The following MYT1L variants were observed in gnomAD, a reference collection of about 807,000 sequenced individuals.
MYT1L encodes myelin transcription factor 1 like.
MYT1L carries 12 observed loss-of-function variants against 126.7 expected under a neutral mutation model. That is an observed-to-expected ratio of 0.09 (90% CI 0.06 to 0.15). The LOEUF is 0.15. Among genes scored for constraint, MYT1L ranks in the 10% least tolerant of loss-of-function variants. The pLI is 1.00. For synonymous variants in MYT1L, 541 were observed against 604.2 expected (o/e 0.90, Z 1.53); for missense variants, 979 against 1,585.2 (o/e 0.62, Z 6.49).
chr2:2,079,750 T>C (rs2075618853), intron 3 of MYT1L, among the ~76,000 whole-genome samples: 1 of 150,870 alleles, frequency 6.6e-6, no homozygotes, highest in East Asian at 2.0e-4. Context: ...GAGCTTGCAG[T>C]GAGCTGAGCC....
chr2:1,998,158 T>C (rs768142150), intron 4 of MYT1L, among the ~76,000 whole-genome samples: 6 of 152,172 alleles, frequency 3.9e-5, no homozygotes, highest in African/African-American at 9.7e-5. Flanking sequence ...GGTGGTGGCA[T>C]TGGATAATTG....
At chr2:2,299,054 A>G (rs972793599) in intron 1 of MYT1L, among the ~76,000 whole-genome samples, 6 of 152,006 alleles carry the variant, frequency 3.9e-5, no homozygotes, top group African/African-American at 1.4e-4. Flanking sequence ...GGGTTTCACC[A>G]TGTTAGCCAG....
chr2:1,818,035 G>C (rs374559105), intron 21 of MYT1L, among the ~76,000 whole-genome samples: 21 of 151,664 alleles, frequency 1.4e-4, no homozygotes, highest in African/African-American at 4.9e-4. Context: ...CCAGATGAAG[G>C]TTCCAGCGAA....
intron 2 of MYT1L, among the ~76,000 whole-genome samples, chr2:2,251,974 G>T (rs190944500): frequency 2.6e-5 from 4 of 152,236 alleles, no homozygotes; most frequent in Non-Finnish European, 5.9e-5. Context: ...GGCAGGCAAT[G>T]GGGAACACAG....
intron 18 of MYT1L, among the ~76,000 whole-genome samples, chr2:1,879,132 A>ACGGC (rs1177497274): frequency 2.0e-5 from 3 of 152,146 alleles, no homozygotes; most frequent in African/African-American, 2.4e-5. Context: ...TGTGCACCCA[A>ACGGC]CGGCCCTTGA....
chr2:2,259,521 A>G (rs2094907344), intron 2 of MYT1L, among the ~76,000 whole-genome samples: 1 of 152,182 alleles, frequency 6.6e-6, no homozygotes, highest in Non-Finnish European at 1.5e-5. Context: ...TCTTAAATAC[A>G]TATAGTTTTT....
chr2:2,063,721 G>A (rs926538268), intron 3 of MYT1L, among the ~76,000 whole-genome samples: 1 of 152,150 alleles, frequency 6.6e-6, no homozygotes, highest in Non-Finnish European at 1.5e-5. Context: ...ACACGTGCCT[G>A]TAATCCCAGC....
At chr2:1,868,528 T>C (rs1035584472) in intron 18 of MYT1L, among the ~76,000 whole-genome samples, 14 of 152,154 alleles carry the variant, frequency 9.2e-5, no homozygotes, top group African/African-American at 3.4e-4. Flanking sequence ...TTTCCTGTCT[T>C]ATCAGCACTG....
intron 21 of MYT1L, chr2:1,828,060 T>A (rs553047795): frequency 6.6e-6 from 1 of 152,248 alleles, no homozygotes; most frequent in African/African-American, 2.4e-5. Flanking sequence ...TGGCAATGCA[T>A]CCGGGAGCGT....
At chr2:1,839,867 C>A (rs2041426271) in intron 20 of MYT1L, among the ~76,000 whole-genome samples, 1 of 152,210 alleles carries the variant, frequency 6.6e-6, no homozygotes, top group Non-Finnish European at 1.5e-5. Context: ...GCCCTTCCAG[C>A]TAGAGAAGAT....
intron 8 of MYT1L, among the ~76,000 whole-genome samples, chr2:1,952,911 T>C: frequency 5.1e-5 from 4 of 78,230 alleles, no homozygotes; most frequent in South Asian, 5.5e-4. Context: ...TCCCTTCCTC[T>C]CCCTTCCTTC....
chr2:1,985,127 A>G (rs147398179), intron 5 of MYT1L, among the ~76,000 whole-genome samples: 5 of 152,278 alleles, frequency 3.3e-5, no homozygotes, highest in Non-Finnish European at 7.3e-5. Flanking sequence ...TCCCTGCCAC[A>G]GTCACTCCTC....
At chr2:2,237,952 G>A (rs938730159) in intron 2 of MYT1L, among the ~76,000 whole-genome samples, 1 of 152,114 alleles carries the variant, frequency 6.6e-6, no homozygotes, top group Non-Finnish European at 1.5e-5. Context: ...TTAAAGAGCG[G>A]GGCACACGTG....
At chr2:2,177,667 AAG>A (rs1286540068) in intron 2 of MYT1L, among the ~76,000 whole-genome samples, 1 of 152,200 alleles carries the variant, frequency 6.6e-6, no homozygotes, top group Admixed American at 6.5e-5. Context: ...TGGCAGGTGA[AAG>A]AGAGAATTTG....
intron 2 of MYT1L, among the ~76,000 whole-genome samples, chr2:2,223,655 T>C (rs2093939189): frequency 1.3e-5 from 2 of 152,238 alleles, no homozygotes; most frequent in Admixed American, 1.3e-4. Flanking sequence ...CAAGACTTTA[T>C]AGGCCAATTT....
At chr2:1,919,646 G>A (rs2053308631) in intron 10 of MYT1L, among the ~76,000 whole-genome samples, 1 of 152,228 alleles carries the variant, frequency 6.6e-6, no homozygotes, top group East Asian at 1.9e-4. Flanking sequence ...AGAGCCTGTT[G>A]ACATGCTAGT....
intron 2 of MYT1L, among the ~76,000 whole-genome samples, chr2:2,218,068 A>G (rs981816031): frequency 6.6e-6 from 1 of 152,214 alleles, no homozygotes; most frequent in Non-Finnish European, 1.5e-5. Context: ...CCAACCACAT[A>G]AAGTCTTGGT....
intron 3 of MYT1L, among the ~76,000 whole-genome samples, chr2:2,161,525 T>C (rs1451068333): frequency 1.3e-5 from 2 of 152,394 alleles, no homozygotes; most frequent in East Asian, 1.9e-4. Context: ...GCCCCACTTG[T>C]GCCTATGTTG....
At chr2:2,150,041 C>T (rs2085491798) in intron 3 of MYT1L, among the ~76,000 whole-genome samples, 1 of 152,156 alleles carries the variant, frequency 6.6e-6, no homozygotes, top group Non-Finnish European at 1.5e-5. Flanking sequence ...TCTCTCACCT[C>T]GCCTCTCTCT....
Sources: allele counts gnomAD v4.1 joint callset (sites outside exome capture counted in the v4.1 genomes callset), GRCh38; gene constraint gnomAD v4.1.1; transcripts MANE v1.5; gene names NCBI Gene and HGNC (gene_info 2026-07-23, HGNC 2026-07-21).